Variants in DHX15 observed in about 807,000 individuals in gnomAD.
DHX15 encodes the protein ATP-dependent RNA helicase DHX15.
Under a neutral mutation model 94.4 loss-of-function variants are expected in DHX15, and 11 were observed. That is an observed-to-expected ratio of 0.12 (90% CI 0.07 to 0.19). The LOEUF (loss-of-function observed/expected upper bound fraction) is 0.19. Ranked by LOEUF, DHX15 falls within the 10% of genes least tolerant of loss-of-function variation. DHX15 has a pLI of 1.00. For synonymous variants in DHX15, 338 were observed against 329.9 expected (o/e 1.02, Z -0.27); for missense variants, 304 against 988.5 (o/e 0.31, Z 9.29).
At chr4:24,529,521 G>A in intron 13 of DHX15, 80 bp downstream of exon 13, 1 of 1,238,092 alleles carries the variant, frequency 8.1e-7, no homozygotes, top group Non-Finnish European at 1.2e-6. Context: ...GTGAATGCAA[G>A]GCCATGACTC....
intron 5 of DHX15, among the ~76,000 whole-genome samples, chr4:24,553,104 C>A (rs1721648003): frequency 6.6e-6 from 1 of 152,044 alleles, no homozygotes; most frequent in South Asian, 2.1e-4. Flanking sequence ...GGGTGGATCA[C>A]CTGAAGTTGG....
At chr4:24,555,838 G>A (rs1393209318) in intron 4 of DHX15, among the ~76,000 whole-genome samples, 3 of 152,170 alleles carry the variant, frequency 2.0e-5, no homozygotes, top group African/African-American at 7.2e-5. Context: ...GGAGCTGCCT[G>A]TCCTGTGTAT....
At chr4:24,567,915 G>T (rs941206272) in intron 3 of DHX15, among the ~76,000 whole-genome samples, 1 of 152,164 alleles carries the variant, frequency 6.6e-6, no homozygotes, top group Non-Finnish European at 1.5e-5. Flanking sequence ...AAACTTACTT[G>T]TTCACTGGGA....
At chr4:24,567,503 C>CCCGT (rs1722018238) in intron 3 of DHX15, among the ~76,000 whole-genome samples, 1 of 150,634 alleles carries the variant, frequency 6.6e-6, no homozygotes, top group Non-Finnish European at 1.5e-5. Flanking sequence ...CTTGAACCCG[C>CCCGT]GAGGTGGAGG....
intron 13 of DHX15, among the ~76,000 whole-genome samples, 179 bp downstream of exon 13, chr4:24,529,422 C>A (rs549460798): frequency 2.0e-5 from 3 of 152,164 alleles, no homozygotes; most frequent in Non-Finnish European, 4.4e-5. Flanking sequence ...ATCCCACTGT[C>A]CACTTAACAA....
At chr4:24,577,992 T>C (rs1722312780) in intron 1 of DHX15, among the ~76,000 whole-genome samples, 1 of 152,142 alleles carries the variant, frequency 6.6e-6, no homozygotes, top group Non-Finnish European at 1.5e-5. Context: ...CCAAGTGCAG[T>C]TGTGTGACAT....
chr4:24,582,892 T>C (rs1378245589), intron 1 of DHX15, among the ~76,000 whole-genome samples: 3 of 152,186 alleles, frequency 2.0e-5, no homozygotes, highest in Admixed American at 1.3e-4. Context: ...TACAATGTCA[T>C]TGTCTTTTTT....
chr4:24,561,944 A>G (rs1477323584), intron 3 of DHX15, among the ~76,000 whole-genome samples: 5 of 152,250 alleles, frequency 3.3e-5, no homozygotes, highest in African/African-American at 1.2e-4. Context: ...AGCCTGGCCA[A>G]CATGTGGAAA....
At chr4:24,582,744 C>T (rs972040876) in intron 1 of DHX15, among the ~76,000 whole-genome samples, 1 of 152,206 alleles carries the variant, frequency 6.6e-6, no homozygotes, top group African/African-American at 2.4e-5. Flanking sequence ...TTCTCCACTT[C>T]TCATTCCTTG....
intron 1 of DHX15, among the ~76,000 whole-genome samples, chr4:24,579,537 G>A (rs1377354148): frequency 6.6e-6 from 1 of 152,172 alleles, no homozygotes; most frequent in Non-Finnish European, 1.5e-5. Context: ...CAGGGAGGGA[G>A]GTATGACATG....
At chr4:24,574,479 T>C (rs1162549579) in intron 2 of DHX15, among the ~76,000 whole-genome samples, 3 of 150,472 alleles carry the variant, frequency 2.0e-5, no homozygotes, top group Admixed American at 6.6e-5. Flanking sequence ...ACAAACCTCA[T>C]CTTGAGTTGA....
At chr4:24,573,063 A>AC (rs1560775291) in intron 2 of DHX15, among the ~76,000 whole-genome samples, 1 of 152,130 alleles carries the variant, frequency 6.6e-6, no homozygotes, top group Admixed American at 6.5e-5. Flanking sequence ...GGTGTGCGCC[A>AC]CCACGCCCAG....
chr4:24,540,356 A>C, intron 9 of DHX15, 57 bp from the exon 10 acceptor site: 1 of 1,456,478 alleles, frequency 6.9e-7, no homozygotes. Context: ...AAAATGTGAC[A>C]AAGTACAAAC....
chr4:24,550,245 T>C (rs145105770), intron 5 of DHX15, among the ~76,000 whole-genome samples: 2 of 152,146 alleles, frequency 1.3e-5, no homozygotes, highest in East Asian at 1.9e-4. Flanking sequence ...TGTACAGAAC[T>C]GTAGACTTCA....
At position 24,547,982 on chromosome 4, in the gene DHX15, A is replaced by G. The variant is rs546651705; in HGVS notation, c.1248+873T>C. On this transcript the variant is annotated intron_variant, in intron 6 of 13. Coordinates refer to ENST00000336812, the MANE Select transcript of DHX15 (RefSeq NM_001358.3). ...ATATCTATCTGCTGATGGGGACTAT[A>G]TATCTGCTGATGGGGAATCAAAGAT... 9.1e-5 allele frequency among the ~76,000 whole-genome samples: 13 copies of G among 143,554 alleles called. No homozygotes were observed. The South Asian group carries it at 2.2e-3, about 24-fold the overall frequency. 94.2% of individuals were successfully genotyped at this position (143,554 alleles called of 152,430 possible).
At chr4:24,568,196 A>G (rs904681043) in intron 3 of DHX15, among the ~76,000 whole-genome samples, 1 of 152,256 alleles carries the variant, frequency 6.6e-6, no homozygotes, top group Non-Finnish European at 1.5e-5. Context: ...TAGAGTGAAA[A>G]TTAAAGTTCG....
chr4:24,582,763 C>T (rs1344709977), intron 1 of DHX15, among the ~76,000 whole-genome samples: 1 of 152,036 alleles, frequency 6.6e-6, no homozygotes, highest in African/African-American at 2.4e-5. Context: ...TGATTGGAGC[C>T]GCGTATAGTC....
chr4:24,582,369 ATC>A (rs1438287321), intron 1 of DHX15, among the ~76,000 whole-genome samples: 1 of 152,238 alleles, frequency 6.6e-6, no homozygotes, highest in Non-Finnish European at 1.5e-5. Context: ...TACTAAGGAT[ATC>A]TGTTTTTGCA....
At chr4:24,566,115 C>A (rs1721986582) in intron 3 of DHX15, among the ~76,000 whole-genome samples, 1 of 151,650 alleles carries the variant, frequency 6.6e-6, no homozygotes, top group African/African-American at 2.4e-5. Flanking sequence ...ACAATCCTAG[C>A]TCACCTCAGT....
Sources: gnomAD v4.1 joint callset for allele counts (sites outside exome capture counted in the v4.1 genomes callset) on GRCh38, gnomAD v4.1.1 for gene constraint, MANE v1.5 for transcripts, NCBI Gene and HGNC (gene_info 2026-07-23, HGNC 2026-07-21) for gene names.